Variants in COPA observed in about 807,000 individuals in gnomAD.
The protein encoded by COPA is coatomer subunit alpha.
A neutral mutation model predicts 158.7 loss-of-function variants in COPA; 10 were observed. The observed-to-expected ratio is 0.06, with a 90% CI of 0.04 to 0.11. The LOEUF (loss-of-function observed/expected upper bound fraction) is 0.11, where lower values mean the gene tolerates loss of function less well. Among genes scored for constraint, COPA ranks in the 10% least tolerant of loss-of-function variants. COPA has a pLI of 1.00. For missense variants in COPA, 1,065 were observed against 1,536.7 expected, an observed-to-expected ratio of 0.69 and a Z score of 5.13; for synonymous variants, 462 against 542.8, an observed-to-expected ratio of 0.85 and a Z score of 2.07.
intron 6 of COPA, among the ~76,000 whole-genome samples, chr1:160,327,695 T>C (rs1421894278): frequency 6.6e-6 from 1 of 151,796 alleles, no homozygotes; most frequent in Non-Finnish European, 1.5e-5. Context: ...CTGTCTCTAC[T>C]AAAAATACAA....
At chr1:160,291,961 G>A (rs1254660728) in intron 29 of COPA, 32 bp from the exon 30 acceptor site, 2 of 1,614,020 alleles carry the variant, frequency 1.2e-6, no homozygotes, top group East Asian at 4.5e-5. Flanking sequence ...AGGATACAGA[G>A]ACAAGAATGT....
At chr1:160,310,483 G>A (rs1026601165) in intron 11 of COPA, 2 of 330,470 alleles carry the variant, frequency 6.1e-6, no homozygotes, top group African/African-American at 2.1e-5. Flanking sequence ...AGCCATAGTA[G>A]AAGTCAAATT....
chr1:160,308,458 A>T lies in COPA; in HGVS notation c.1219+643T>A, dbSNP rs183925544. Among the ~76,000 whole-genome samples, 4 of 152,330 alleles carry T rather than the reference A, an allele frequency of 2.6e-5. No individual in the cohort carries two copies. The East Asian group carries it at 7.7e-4, about 29-fold the overall frequency. Reference sequence around the variant, plus strand: ...TTAAAATATGCCAGTAAGAGTGGGGATCTGCAGAATAAATCTCTGACCTGG... The same window carrying T: ...TTAAAATATGCCAGTAAGAGTGGGGTTCTGCAGAATAAATCTCTGACCTGG... On this transcript the variant is annotated intron_variant, in intron 13 of 32. Transcript: ENST00000241704.
intron 3 of COPA, among the ~76,000 whole-genome samples, chr1:160,337,785 A>T (rs1647846615): frequency 6.6e-6 from 1 of 152,174 alleles, no homozygotes; most frequent in African/African-American, 2.4e-5. Context: ...AAATGATAGC[A>T]CTACACACCT....
At position 160,323,488 on chromosome 1, in the gene COPA, T is replaced by C; in HGVS notation, c.649A>G (p.Met217Val). Residue 217 changes from methionine to valine, a missense_variant, in exon 8 of 33, where the codon ATG (methionine) becomes GTG (valine). By Grantham distance (21) the Met-to-Val change is conservative (BLOSUM62 1). Coordinates refer to ENST00000241704, the MANE Select transcript of COPA (RefSeq NM_004371.4). ...GVNWAAFHPT[M>V]PLIVSGADDR... ...TCTGCCCCAGATACAATAAGGGGCA[T>C]AGTGGGGTGGAAGGCAGCCCAGTTT... 3.1e-6 allele frequency: 5 copies of C among 1,611,118 alleles called. No homozygotes were observed. The highest frequency in any genetic ancestry group is 4.2e-6 in the Non-Finnish European group (5 of 1,178,220).
intron 19 of COPA, among the ~76,000 whole-genome samples, chr1:160,298,066 A>G (rs1272496758): frequency 6.6e-6 from 1 of 151,966 alleles, no homozygotes; most frequent in Non-Finnish European, 1.5e-5. Flanking sequence ...CTGTAGTCCC[A>G]CCTACTCGGG....
At position 160,333,036 on chromosome 1, in the gene COPA, G is replaced by A. The variant is rs554001837; in HGVS notation, c.387-479C>T. ...GCCTCCCCAGTTCAAGCGATTCTCC[G>A]CCTCAGCCTCCCGAGTAGCTGGGAC... On this transcript the variant is annotated intron_variant, in intron 5 of 32. Transcript: ENST00000241704. Among the ~76,000 whole-genome samples the A allele has an allele frequency of 5.3e-5, 8 of 152,208 alleles. No homozygotes were observed. The South Asian group carries it at 6.2e-4, about 12-fold the overall frequency.
chr1:160,325,522 C>T (rs937805208), intron 7 of COPA, 21 bp downstream of exon 7: 1 of 1,588,326 alleles, frequency 6.3e-7, no homozygotes, highest in Non-Finnish European at 8.6e-7. Context: ...ATATTCAGCC[C>T]CTGGCTATAA....
At chr1:160,304,856 G>A (rs186957322) in intron 17 of COPA, among the ~76,000 whole-genome samples, 24 of 152,220 alleles carry the variant, frequency 1.6e-4, no homozygotes, top group Admixed American at 3.9e-4. Flanking sequence ...CTTAAGAGTA[G>A]AACTGACAAA....
chr1:160,340,365 A>T, intron 1 of COPA, 71 bp from the exon 2 acceptor site: 5 of 982,488 alleles, frequency 5.1e-6, no homozygotes, highest in Non-Finnish European at 6.3e-6. Flanking sequence ...AATTCTGATA[A>T]GAAAAAGAAA....
intron 17 of COPA, among the ~76,000 whole-genome samples, chr1:160,299,888 A>T (rs748103565): frequency 1.8e-4 from 28 of 152,170 alleles, no homozygotes; most frequent in Non-Finnish European, 2.9e-4. Context: ...GTAGAAATTA[A>T]ATAAAAAACA....
chr1:160,337,721 AAAACAAACAAAC>A (rs147699729), intron 3 of COPA, among the ~76,000 whole-genome samples: 6 of 147,526 alleles, frequency 4.1e-5, no homozygotes, highest in South Asian at 4.4e-4. Context: ...TCCATCGCAA[AAAACAAACAAAC>A]AAACAAACAA....
In COPA at chr1:160,294,528, C is replaced by G; in HGVS notation, c.2632G>C (p.Gly878Arg). The G allele has an allele frequency of 6.2e-7, 1 of 1,614,230 alleles. No individual in the cohort carries two copies. ...AGATCTTCTTCTACATCCCAGCCAC[C>G]TCCTTCTTCCTGTCCCTTGCCAAGA... Reference protein sequence around the residue: ...DALGKGQEEGGGWDVEEDLEL... With the variant: ...DALGKGQEEGRGWDVEEDLEL... Residue 878 changes from glycine to arginine, a missense_variant, in exon 25 of 33, where the codon GGT becomes CGT. Gly to Arg is a moderately radical substitution (Grantham distance 125, BLOSUM62 -2). This residue lies in a region of COPA where 980 missense variants were observed against 1,357.8 expected (regional missense o/e 0.72). Transcript: ENST00000241704.
At chr1:160,298,731 C>A in intron 19 of COPA, 114 bp downstream of exon 19, 1 of 1,369,408 alleles carries the variant, frequency 7.3e-7, no homozygotes, top group Non-Finnish European at 9.9e-7. Flanking sequence ...TAAAAAAAAT[C>A]CCAAATTTCA....
chr1:160,310,703 T>G (rs59818025), intron 11 of COPA, among the ~76,000 whole-genome samples: 2,120 of 152,220 alleles, frequency 0.014, 48 homozygotes, highest in African/African-American at 0.042. Flanking sequence ...AAAACCTCAT[T>G]CCAAATTTTG....
Position 160,292,167 on chromosome 1 carries a change from C to A in COPA, c.2992G>T (p.Ala998Ser), listed in dbSNP as rs1271305963. 1 of 1,613,452 alleles carries A rather than the reference C, an allele frequency of 6.2e-7. No homozygotes were observed. The highest frequency in any genetic ancestry group is 8.5e-7 in the Non-Finnish European group (1 of 1,179,994). Residue 998 changes from alanine to serine, a missense_variant, in exon 29 of 33, where the codon GCT becomes TCT. Physicochemically the swap from Ala to Ser is moderately conservative, Grantham distance 99. Around this residue, in one of 2 missense-constraint regions of COPA, gnomAD observed 980 missense variants for 1,357.8 expected, o/e 0.72. Transcript: ENST00000241704. ...AGGTCATTAAGCTTCAGGCCCACAG[C>A]TGGTACACCATTCTTCAGCCCTGCA... ...KDAGLKNGVP[A>S]VGLKLNDLIQ...
intron 1 of COPA, among the ~76,000 whole-genome samples, chr1:160,341,589 G>GT (rs1250320319): frequency 1.3e-5 from 2 of 152,102 alleles, no homozygotes; most frequent in Non-Finnish European, 2.9e-5. Flanking sequence ...TAAAAACACT[G>GT]TATCAATATA....
Position 160,340,186 on chromosome 1 carries a change from T to C in COPA, c.149A>G (p.His50Arg). 1 of 1,606,702 alleles carries C rather than the reference T, an allele frequency of 6.2e-7. No individual in the cohort carries two copies. Among genetic ancestry groups the C allele is most frequent in the Non-Finnish European group, 8.5e-7 (1 of 1,173,560 alleles). ...MCTLIDKFDEHDGPVRGIDFH... is the reference protein window; with the variant it reads ...MCTLIDKFDERDGPVRGIDFH... ...TCCTCCTAGAAATATCTCACCATCA[T>C]GTTCATCAAACTTGTCAATGAGAGT... The change falls in exon 2 of 33, where the codon CAT becomes CGT. Residue 50 changes from histidine (H) to arginine (R), a missense_variant. This residue lies in a region of COPA where 85 missense variants were observed against 178.9 expected (regional missense o/e 0.48). Coordinates refer to ENST00000241704, the MANE Select transcript of COPA (RefSeq NM_004371.4).
At chr1:160,313,061 A>AAAAAG in intron 10 of COPA, 24 bp downstream of exon 10, 1 of 1,603,778 alleles carries the variant, frequency 6.2e-7, no homozygotes, top group Non-Finnish European at 8.5e-7. Context: ...TAAGCAAAGA[A>AAAAAG]AAAAGAGAGA....
Sources: gnomAD v4.1 joint callset for allele counts (sites outside exome capture counted in the v4.1 genomes callset) on GRCh38, gnomAD v4.1.1 for gene constraint, gnomAD v4.1.1 regional missense constraint, MANE v1.5 for transcripts, NCBI Gene and HGNC (gene_info 2026-07-23, HGNC 2026-07-21) for gene names.